The following MGMT variants were observed in gnomAD, a reference collection of about 807,000 sequenced individuals.
The protein encoded by MGMT is O-6-methylguanine-DNA methyltransferase.
In MGMT, 14 loss-of-function variants were observed where a neutral mutation model predicts 15.9. The observed-to-expected ratio is 0.88, with a 90% CI of 0.58 to 1.37. The LOEUF (loss-of-function observed/expected upper bound fraction) is 1.37. Ranked by LOEUF, MGMT falls within the 40% of genes most tolerant of loss-of-function variation. MGMT has a pLI of 0.00. For synonymous variants in MGMT, 130 were observed against 118.2 expected (o/e 1.10, Z -0.65); for missense variants, 282 against 268.1 (o/e 1.05, Z -0.36).
intron 2 of MGMT, among the ~76,000 whole-genome samples, chr10:129,686,004 C>T (rs1554877375): frequency 6.6e-6 from 1 of 152,218 alleles, no homozygotes; most frequent in Non-Finnish European, 1.5e-5. Context: ...TGCCCAGTGG[C>T]AGATGTGCTT....
intron 3 of MGMT, among the ~76,000 whole-genome samples, chr10:129,738,818 T>C (rs1025803585): frequency 1.3e-5 from 2 of 152,160 alleles, no homozygotes; most frequent in Non-Finnish European, 2.9e-5. Flanking sequence ...GCCAGCATCA[T>C]CCTAATACCA....
At chr10:129,603,701 G>A (rs1001467956) in intron 2 of MGMT, among the ~76,000 whole-genome samples, 1 of 152,198 alleles carries the variant, frequency 6.6e-6, no homozygotes, top group Non-Finnish European at 1.5e-5. Flanking sequence ...GCCTTTGTTG[G>A]CAAGAATATT....
chr10:129,676,467 G>T (rs1420583267), intron 2 of MGMT, among the ~76,000 whole-genome samples: 3 of 152,208 alleles, frequency 2.0e-5, no homozygotes, highest in African/African-American at 4.8e-5. Context: ...GTGAAGAGGT[G>T]CATCTCTGCG....
At position 129,659,903 on chromosome 10, in the gene MGMT, C is replaced by T. The variant is rs146559283; in HGVS notation, c.126-47992C>T. ...ACGTAGGGTGGTCATCCGAATATCC[C>T]TGCCCCACTCCCCAGCTCTCTATGG... On this transcript the variant is annotated intron_variant, in intron 2 of 4. Coordinates refer to ENST00000651593, the MANE Select transcript of MGMT (RefSeq NM_002412.5). This position sits in a 1 kb window ranked among gnomAD's most constrained non-coding sequence, Gnocchi z 4.1. 1.2e-4 allele frequency among the ~76,000 whole-genome samples: 18 copies of T among 152,320 alleles called. No homozygotes were observed. Among genetic ancestry groups the T allele is most frequent in the African/African-American group, 3.8e-4 (16 of 41,566 alleles).
intron 1 of MGMT, among the ~76,000 whole-genome samples, chr10:129,481,198 T>G (rs1845354312): frequency 6.6e-6 from 1 of 152,228 alleles, no homozygotes; most frequent in Non-Finnish European, 1.5e-5. Flanking sequence ...CCATAGTTTG[T>G]GCAGGTGCCC....
intron 2 of MGMT, chr10:129,537,141 CAAA>C (rs1845994568): frequency 7.6e-6 from 1 of 132,056 alleles, no homozygotes; most frequent in Non-Finnish European, 1.7e-5. Flanking sequence ...TATTTCTGAC[CAAA>C]GAAGAAGAAG....
intron 2 of MGMT, among the ~76,000 whole-genome samples, chr10:129,682,429 TTGAAATGA>T (rs965074676): frequency 1.3e-5 from 2 of 151,812 alleles, no homozygotes; most frequent in African/African-American, 2.4e-5. Context: ...TGTAACACTC[TTGAAATGA>T]CAAGCAGTGA....
intron 2 of MGMT, among the ~76,000 whole-genome samples, chr10:129,614,372 T>G (rs1458552075): frequency 1.3e-5 from 2 of 152,200 alleles, no homozygotes; most frequent in Non-Finnish European, 2.9e-5. Context: ...TAGGGTTTGC[T>G]AGTGATCGTC....
intron 2 of MGMT, among the ~76,000 whole-genome samples, chr10:129,687,375 G>A (rs1847916554): frequency 7.9e-6 from 1 of 127,296 alleles, no homozygotes; most frequent in South Asian, 2.4e-4. Context: ...GACCAAGAAA[G>A]TTAAGGAGCG....
chr10:129,639,641 A>G (rs1239433177), intron 2 of MGMT, among the ~76,000 whole-genome samples: 1 of 152,234 alleles, frequency 6.6e-6, no homozygotes, highest in Non-Finnish European at 1.5e-5. Flanking sequence ...AATTAAATGA[A>G]CATGAAAGCA....
intron 1 of MGMT, among the ~76,000 whole-genome samples, chr10:129,517,012 A>G (rs969885087): frequency 2.0e-5 from 3 of 152,194 alleles, no homozygotes; most frequent in Non-Finnish European, 2.9e-5. Context: ...TGGGGCTCCA[A>G]TGGAAACAAA....
intron 2 of MGMT, among the ~76,000 whole-genome samples, chr10:129,630,644 GAT>G (rs1847199561): frequency 1.3e-5 from 2 of 152,298 alleles, no homozygotes; most frequent in South Asian, 4.1e-4. Context: ...GCTTCGAACT[GAT>G]AGAAAAAGAA....
intron 2 of MGMT, among the ~76,000 whole-genome samples, chr10:129,591,794 G>A (rs1022484525): frequency 6.6e-6 from 1 of 152,162 alleles, no homozygotes; most frequent in African/African-American, 2.4e-5. Context: ...AGCCAGGCAT[G>A]GTGGTAGGCA....
intron 2 of MGMT, among the ~76,000 whole-genome samples, chr10:129,573,125 G>T (rs1186378532): frequency 6.6e-6 from 1 of 152,022 alleles, no homozygotes; most frequent in Non-Finnish European, 1.5e-5. Context: ...ATTGTTTGGG[G>T]TTCCTTGGTA....
intron 2 of MGMT, among the ~76,000 whole-genome samples, chr10:129,595,635 G>A (rs1240379952): frequency 6.6e-6 from 1 of 152,164 alleles, no homozygotes; most frequent in Non-Finnish European, 1.5e-5. Flanking sequence ...GCGGGGCCCA[G>A]AGGGTTCCTG....
intron 3 of MGMT, among the ~76,000 whole-genome samples, chr10:129,725,019 T>C (rs751133): frequency 0.55 from 83,389 of 152,024 alleles, 23,117 homozygotes; most frequent in Middle Eastern, 0.71. Context: ...CTCCCGGTCC[T>C]CTCCAGAGCC....
chr10:129,678,055 TTCA>T (rs1253052921), intron 2 of MGMT, among the ~76,000 whole-genome samples: 1 of 151,846 alleles, frequency 6.6e-6, no homozygotes, highest in Admixed American at 6.6e-5. Flanking sequence ...GGCATCGTCC[TTCA>T]TCATTGTCCA....
At chr10:129,740,340 G>A (rs1448299375) in intron 3 of MGMT, among the ~76,000 whole-genome samples, 1 of 152,168 alleles carries the variant, frequency 6.6e-6, no homozygotes, top group Admixed American at 6.5e-5. Context: ...GAGGCCATCT[G>A]GGGGTAGCAC....
At chr10:129,551,451 A>T (rs1846155468) in intron 2 of MGMT, among the ~76,000 whole-genome samples, 1 of 152,142 alleles carries the variant, frequency 6.6e-6, no homozygotes, top group Non-Finnish European at 1.5e-5. Flanking sequence ...AGGTGACTTC[A>T]GGAAGAGCAT....
Sources: gnomAD v4.1 joint callset for allele counts (sites outside exome capture counted in the v4.1 genomes callset) on GRCh38, gnomAD v4.1.1 for gene constraint, Gnocchi (gnomAD v3.1) non-coding constraint, MANE v1.5 for transcripts, NCBI Gene and HGNC (gene_info 2026-07-23, HGNC 2026-07-21) for gene names.